The following NLRP5 variants were observed in gnomAD, a reference collection of about 807,000 sequenced individuals.
The protein encoded by NLRP5 is NACHT, LRR and PYD domains-containing protein 5.
NLRP5 carries 93 observed loss-of-function variants against 113.1 expected under a neutral mutation model. The observed-to-expected ratio is 0.82, with a 90% CI of 0.70 to 0.98. The LOEUF (loss-of-function observed/expected upper bound fraction) is 0.98, where lower values mean the gene tolerates loss of function less well. Among genes scored for constraint, NLRP5 ranks in the 50% least tolerant of loss-of-function variants. The pLI is 0.00. For synonymous variants in NLRP5, 751 were observed against 600.7 expected (o/e 1.25, Z -3.66); for missense variants, 1,808 against 1,514.3 (o/e 1.19, Z -3.22).
chr19:56,030,814 A>G (rs1983077790), intron 7 of NLRP5, among the ~76,000 whole-genome samples: 1 of 142,424 alleles, frequency 7.0e-6, no homozygotes. Flanking sequence ...TCCTGGGTTC[A>G]AGCGATTCTC....
At chr19:56,014,083 T>C (rs1024840717) in intron 3 of NLRP5, among the ~76,000 whole-genome samples, 5 of 152,234 alleles carry the variant, frequency 3.3e-5, no homozygotes, top group African/African-American at 1.2e-4. Context: ...TGAGTTGTCT[T>C]TTCACATTGC....
chr19:56,001,663 A>G (rs763307699), intron 1 of NLRP5, among the ~76,000 whole-genome samples: 6 of 152,114 alleles, frequency 3.9e-5, no homozygotes, highest in Non-Finnish European at 5.9e-5. Context: ...CAGAAACCCT[A>G]CAGGCTGATT....
chr19:56,044,732 A>G (rs555224055), intron 11 of NLRP5, among the ~76,000 whole-genome samples: 1 of 152,210 alleles, frequency 6.6e-6, no homozygotes, highest in East Asian at 1.9e-4. Context: ...GAATTGTTTA[A>G]TTCTGTGAAG....
chr19:56,045,885 A>G (rs1264541472), intron 11 of NLRP5, among the ~76,000 whole-genome samples: 1 of 152,172 alleles, frequency 6.6e-6, no homozygotes, highest in Non-Finnish European at 1.5e-5. Context: ...CAGCTAAGAC[A>G]GGAGCTAGCT....
chr19:56,015,245 G>A (rs1464274922), intron 3 of NLRP5, among the ~76,000 whole-genome samples: 2 of 152,164 alleles, frequency 1.3e-5, no homozygotes. Context: ...TTGTTGCCCA[G>A]GCTGGAGTGG....
intron 11 of NLRP5, among the ~76,000 whole-genome samples, chr19:56,046,606 T>G (rs1216067105): frequency 6.6e-6 from 1 of 152,118 alleles, no homozygotes; most frequent in East Asian, 1.9e-4. Context: ...AGTGGCGCGA[T>G]CTCGGCTCAC....
At chr19:56,031,249 C>T (rs1264456172) in intron 7 of NLRP5, among the ~76,000 whole-genome samples, 1 of 152,066 alleles carries the variant, frequency 6.6e-6, no homozygotes, top group Non-Finnish European at 1.5e-5. Flanking sequence ...CCCTTCATGC[C>T]CATGAAACGA....
chr19:56,019,548 C>G, intron 5 of NLRP5, 150 bp downstream of exon 5: 1 of 798,772 alleles, frequency 1.3e-6, no homozygotes. Context: ...CCTTCAAGCT[C>G]TTGATCAGTA....
intron 6 of NLRP5, among the ~76,000 whole-genome samples, chr19:56,024,185 A>G (rs529733196): frequency 6.6e-6 from 1 of 151,856 alleles, no homozygotes; most frequent in African/African-American, 2.4e-5. Context: ...GCCCTGTGCT[A>G]ATGTTGAATG....
chr19:56,001,996 G>A (rs967989125), intron 1 of NLRP5, among the ~76,000 whole-genome samples: 18 of 152,122 alleles, frequency 1.2e-4, no homozygotes, highest in African/African-American at 3.6e-4. Flanking sequence ...AAATTTGAGA[G>A]ATTTAGGAAT....
At chr19:56,000,224 C>T (rs1297529375) in intron 1 of NLRP5, among the ~76,000 whole-genome samples, 3 of 152,168 alleles carry the variant, frequency 2.0e-5, no homozygotes, top group Admixed American at 2.0e-4. Flanking sequence ...GCCACCTCTC[C>T]ACTCTTTTCA....
rs753198908 is a variant in NLRP5 at position 56,027,106 on chromosome 19, G to A, written c.873G>A (p.Gly291=). 46 of 1,577,852 alleles carry A rather than the reference G, an allele frequency of 2.9e-5. No individual in the cohort carries two copies. Among genetic ancestry groups the A allele is most frequent in the Non-Finnish European group, 3.7e-5 (43 of 1,161,966 alleles). The change falls in exon 7 of 15, where the codon GGG becomes GGA. Residue 291 remains glycine (G), a synonymous_variant. Coordinates refer to ENST00000390649, the MANE Select transcript of NLRP5 (RefSeq NM_153447.4). ...TTCTGCACGGAAAGTCAGGAATTGG[G>A]AAATCGGCTCTAGCCAGAAGGATCG... is the stretch of plus-strand genomic sequence containing the variant.
At chr19:56,053,470 C>T (rs1478323128) in intron 12 of NLRP5, among the ~76,000 whole-genome samples, 168 bp from the exon 13 acceptor site, 1 of 152,198 alleles carries the variant, frequency 6.6e-6, no homozygotes, top group African/African-American at 2.4e-5. Flanking sequence ...TATCATTCCT[C>T]TCTCAAGCCA....
intron 1 of NLRP5, among the ~76,000 whole-genome samples, chr19:56,003,254 C>A (rs535198940): frequency 7.9e-5 from 12 of 152,292 alleles, no homozygotes; most frequent in Admixed American, 3.9e-4. Context: ...CAGATTCAAG[C>A]GATTCTCCTG....
chr19:55,988,413 CATATACACA>C, the NLRP5 span: 22 of 122,210 alleles, frequency 1.8e-4, no homozygotes, highest in African/African-American at 7.2e-4. Flanking sequence ...AAAAAAAATA[CATATACACA>C]TAAATATATA....
upstream of NLRP5, among the ~76,000 whole-genome samples, chr19:55,997,958 A>T (rs111285872): frequency 5.9e-5 from 9 of 152,070 alleles, no homozygotes; most frequent in African/African-American, 2.2e-4. Context: ...ATATTTTTTT[A>T]TTCTCTGAAT....
At chr19:56,041,652 A>G (rs1983526600) in intron 11 of NLRP5, among the ~76,000 whole-genome samples, 1 of 152,202 alleles carries the variant, frequency 6.6e-6, no homozygotes, top group African/African-American at 2.4e-5. Flanking sequence ...GGTCATTTTA[A>G]ACAACACTAT....
At chr19:56,004,280 A>G (rs1191708563) in intron 2 of NLRP5, among the ~76,000 whole-genome samples, 185 bp downstream of exon 2, 1 of 152,070 alleles carries the variant, frequency 6.6e-6, no homozygotes, top group African/African-American at 2.4e-5. Flanking sequence ...CCTGTAAAAT[A>G]ATGGAGGAGG....
chr19:56,056,127 T>C (rs1984141486), intron 13 of NLRP5, among the ~76,000 whole-genome samples: 1 of 152,210 alleles, frequency 6.6e-6, no homozygotes, highest in Non-Finnish European at 1.5e-5. Context: ...CATGCGCACC[T>C]ACCTTGTTCT....
Sources: allele counts gnomAD v4.1 joint callset (sites outside exome capture counted in the v4.1 genomes callset), GRCh38; gene constraint gnomAD v4.1.1; transcripts MANE v1.5; gene names NCBI Gene and HGNC (gene_info 2026-07-23, HGNC 2026-07-21).